The following LMO4 variants were observed in gnomAD, a reference collection of about 807,000 sequenced individuals.
LMO4 encodes the protein LIM domain transcription factor LMO4.
A neutral mutation model predicts 18.5 loss-of-function variants in LMO4; 3 were observed. The observed-to-expected ratio is 0.16, with a 90% CI of 0.07 to 0.42. The LOEUF is 0.42. LMO4 is among the 10% of genes least tolerant of loss of function. LMO4 has a pLI of 0.99. For missense variants in LMO4, 121 were observed against 219.9 expected, an observed-to-expected ratio of 0.55 and a Z score of 2.84; for synonymous variants, 100 against 88.1, an observed-to-expected ratio of 1.14 and a Z score of -0.76.
chr1:87,334,455 T>C (rs1441228176), intron 2 of LMO4, among the ~76,000 whole-genome samples: 4 of 152,162 alleles, frequency 2.6e-5, no homozygotes, highest in Non-Finnish European at 4.4e-5. Context: ...GCTGTTCCTC[T>C]CAGCTACCCC....
In LMO4 at chr1:87,332,046, C is replaced by T; in HGVS notation, c.31C>T (p.Pro11Ser). The T allele has an allele frequency of 6.2e-7, 1 of 1,612,936 alleles. No individual in the cohort carries two copies. The change falls in exon 2 of 5, where the codon CCC becomes TCC. Residue 11 changes from proline to serine, a missense_variant. Pro to Ser is a moderately conservative substitution (Grantham distance 74). Transcript: ENST00000370544. MVNPGSSSQP[P>S]PVTAGSLSWK... ...GAATCCGGGCAGCAGCTCGCAGCCG[C>T]CCCCGGTGACGGCCGGCTCCCTCTC...
At chr1:87,338,104 A>C (rs1032169664) in intron 2 of LMO4, among the ~76,000 whole-genome samples, 1 of 152,220 alleles carries the variant, frequency 6.6e-6, no homozygotes, top group Admixed American at 6.5e-5. Flanking sequence ...CCTGTCGTTC[A>C]GTCAATACAT....
At chr1:87,335,335 A>T (rs1650274810) in intron 2 of LMO4, among the ~76,000 whole-genome samples, 1 of 152,036 alleles carries the variant, frequency 6.6e-6, no homozygotes, top group African/African-American at 2.4e-5. Context: ...GGGCGAGGAA[A>T]CGCGCCGGAA....
At chr1:87,343,240 C>A (rs1650544328) in intron 4 of LMO4, among the ~76,000 whole-genome samples, 1 of 152,170 alleles carries the variant, frequency 6.6e-6, no homozygotes, top group African/African-American at 2.4e-5. Flanking sequence ...TGTTCTGCAT[C>A]ATTGGCTGTT....
At chr1:87,342,179 G>T (rs914018036) in intron 4 of LMO4, among the ~76,000 whole-genome samples, 10 of 152,180 alleles carry the variant, frequency 6.6e-5, no homozygotes, top group African/African-American at 2.4e-4. Flanking sequence ...TGGTGAGAAT[G>T]AAAGGATGTA....
At chr1:87,331,709 G>A (rs1052122204) in intron 1 of LMO4, 15 of 391,480 alleles carry the variant, frequency 3.8e-5, no homozygotes, top group South Asian at 5.9e-5. Flanking sequence ...GCGCGCAGCG[G>A]AGCCTGCTCT....
In LMO4 at chr1:87,339,649, TC is replaced by T; in HGVS notation, c.333+18del. ...CATCTTAAGGTAGTATTTGCATCTC[TC>T]TTTTTTTTTTAAAAAAAAAATCATA... On this transcript the variant is annotated intron_variant, in intron 3 of 4. Coordinates refer to ENST00000370544, the MANE Select transcript of LMO4 (RefSeq NM_006769.4). The T allele has an allele frequency of 6.7e-7, 1 of 1,491,312 alleles. No individual in the cohort carries two copies. 92.4% of individuals were successfully genotyped at this position (1,491,312 alleles called of 1,614,324 possible).
Position 87,345,241 on chromosome 1 carries a change from G to GTTTCAA in LMO4, c.*447_*452dup, listed in dbSNP as rs1650594278. On this transcript the variant is annotated 3_prime_UTR_variant, in exon 5 of 5. Coordinates refer to ENST00000370544, the MANE Select transcript of LMO4 (RefSeq NM_006769.4). ...ATATTTAAGTGTTGTAAGGAAACGT[G>GTTTCAA]TTTCAATCAAAACTGACCATGAGAT... 6.3e-6 allele frequency: 1 copy of GTTTCAA among 157,700 alleles called. No homozygotes were observed. Among genetic ancestry groups the GTTTCAA allele is most frequent in the Non-Finnish European group, 1.4e-5 (1 of 71,772 alleles). 9.8% of individuals were successfully genotyped at this position (157,700 alleles called of 1,614,324 possible).
rs771230419 is a variant in LMO4 at position 87,344,770 on chromosome 1, C to T, written c.490-18C>T. ...AATTTAGCATTTTAGCTAAGATGCC[C>T]GTTTTTATTTCTTGCAGGTCTGCTA... On this transcript the variant is annotated intron_variant, in intron 4 of 4. Transcript: ENST00000370544. 1.7e-5 allele frequency: 27 copies of T among 1,613,466 alleles called. No homozygotes were observed. The highest frequency in any genetic ancestry group is 4.5e-5 in the East Asian group (2 of 44,858).
At position 87,348,585 on chromosome 1, in the gene LMO4, T is replaced by A; in HGVS notation, c.*3789T>A. ...CAGCAAAGTGTAGCACATTCGCCGA[T>A]GCTGGGTACCTAGTTAAAGAGGCAT... On this transcript the variant is annotated 3_prime_UTR_variant, in exon 5 of 5. Coordinates refer to ENST00000370544, the MANE Select transcript of LMO4 (RefSeq NM_006769.4). 1 of 424,800 alleles carries A rather than the reference T, an allele frequency of 2.4e-6. No individual in the cohort carries two copies. Among genetic ancestry groups the A allele is most frequent in the South Asian group, 1.7e-5 (1 of 58,732 alleles). 26.3% of individuals were successfully genotyped at this position (424,800 alleles called of 1,614,324 possible).
At chr1:87,338,568 C>T (rs1287840476) in intron 2 of LMO4, among the ~76,000 whole-genome samples, 4 of 152,236 alleles carry the variant, frequency 2.6e-5, no homozygotes, top group East Asian at 1.9e-4. Flanking sequence ...AGCCCAAGTT[C>T]GGTGGTTATT....
At chr1:87,329,841 C>G (rs745482468) in intron 1 of LMO4, among the ~76,000 whole-genome samples, 6 of 152,112 alleles carry the variant, frequency 3.9e-5, no homozygotes, top group Non-Finnish European at 8.8e-5. Flanking sequence ...TTACGTTTGT[C>G]CCTCCCTTGG....
At chr1:87,336,933 T>C (rs1008712264) in intron 2 of LMO4, among the ~76,000 whole-genome samples, 6 of 152,022 alleles carry the variant, frequency 3.9e-5, no homozygotes, top group Non-Finnish European at 8.8e-5. Context: ...ACAGTCCCCC[T>C]GGTTAGATAA....
intron 2 of LMO4, among the ~76,000 whole-genome samples, chr1:87,332,898 T>C (rs1479419356): frequency 1.3e-5 from 2 of 152,244 alleles, no homozygotes; most frequent in African/African-American, 4.8e-5. Context: ...AGGCTTGCAA[T>C]AATTCAGTTA....
chr1:87,334,659 A>G (rs1650246831), intron 2 of LMO4, among the ~76,000 whole-genome samples: 1 of 152,106 alleles, frequency 6.6e-6, no homozygotes, highest in South Asian at 2.1e-4. Context: ...GAAAACAACC[A>G]AGGTCTTGCT....
chr1:87,333,304 TA>T (rs925938543), intron 2 of LMO4, among the ~76,000 whole-genome samples: 22 of 148,994 alleles, frequency 1.5e-4, no homozygotes, highest in Admixed American at 4.7e-4. Context: ...ATCCAGTAAT[TA>T]AAAAAAAAAC....
Position 87,340,093 on chromosome 1 carries a change from G to T in LMO4, c.380G>T (p.Arg127Leu). 6.2e-7 allele frequency: 1 copy of T among 1,614,030 alleles called. No homozygotes were observed. The highest frequency in any genetic ancestry group is 8.5e-7 in the Non-Finnish European group (1 of 1,179,980). ...CGGAATCGCCTGGTCCCGGGAGATC[G>T]GTTTCACTACATCAATGGCAGTTTA... The part of the protein sequence containing the change: ...TCRNRLVPGD[R>L]FHYINGSLFC... Residue 127 changes from arginine (R) to leucine (L), a missense_variant, in exon 4 of 5, where the codon CGG (arginine) becomes CTG (leucine). Arg to Leu is a moderately radical substitution (Grantham distance 102, BLOSUM62 -2). Transcript: ENST00000370544.
chr1:87,333,999 AAAG>A (rs1311043876), intron 2 of LMO4, among the ~76,000 whole-genome samples: 3 of 152,152 alleles, frequency 2.0e-5, no homozygotes, highest in Non-Finnish European at 4.4e-5. Flanking sequence ...AACTAATTAA[AAAG>A]AAGATGGGTC....
At position 87,339,973 on chromosome 1, in the gene LMO4, C is replaced by T. The variant is rs113807101; in HGVS notation, c.334-74C>T. On this transcript the variant is annotated intron_variant, in intron 3 of 4. Coordinates refer to ENST00000370544, the MANE Select transcript of LMO4 (RefSeq NM_006769.4). ...TACTTGACAGATACCTGCTTAATAA[C>T]AGGTTATAAACTTGTGACCAAAAAA... 3.0e-5 allele frequency: 45 copies of T among 1,484,072 alleles called. No individual in the cohort carries two copies. In the African/African-American group the frequency reaches 5.3e-4, roughly 17 times the overall value. The allele number at this position is 1,484,072 out of a possible 1,614,324, so 91.9% of individuals were successfully genotyped here. A position where few individuals can be genotyped will look rare whatever the true frequency, so the allele number is the denominator to read the frequency against.
Sources: allele counts gnomAD v4.1 joint callset (sites outside exome capture counted in the v4.1 genomes callset), GRCh38; gene constraint gnomAD v4.1.1; transcripts MANE v1.5; gene names NCBI Gene and HGNC (gene_info 2026-07-23, HGNC 2026-07-21).